LYRM4: variants seen among roughly 807,000 people sequenced by gnomAD.
LYRM4 encodes LYR motif-containing protein 4.
A neutral mutation model predicts 11.7 loss-of-function variants in LYRM4; 9 were observed. That is an observed-to-expected ratio of 0.77 (90% CI 0.46 to 1.34). The LOEUF (loss-of-function observed/expected upper bound fraction) is 1.34, where lower values mean the gene tolerates loss of function less well. LYRM4 is among the 40% of genes most tolerant of loss of function. The pLI, the probability that LYRM4 is intolerant of heterozygous loss-of-function variation, is 0.00. For missense variants in LYRM4, 133 were observed against 112.5 expected (o/e 1.18, Z -0.82); for synonymous variants, 42 against 40.4 (o/e 1.04, Z -0.15).
At chr6:5,249,532 G>C (rs771736205) in intron 1 of LYRM4, among the ~76,000 whole-genome samples, 3 of 152,130 alleles carry the variant, frequency 2.0e-5, no homozygotes, top group African/African-American at 4.8e-5. Flanking sequence ...TCTGAGTTAA[G>C]AGAACTATTA....
intron 2 of LYRM4, among the ~76,000 whole-genome samples, chr6:5,130,628 A>G (rs1258154130): frequency 6.6e-6 from 1 of 152,230 alleles, no homozygotes; most frequent in Admixed American, 6.5e-5. Flanking sequence ...ACTGCTGAGG[A>G]GAGGAAGACA....
intron 2 of LYRM4, among the ~76,000 whole-genome samples, chr6:5,150,876 A>G (rs1272678088): frequency 6.6e-6 from 1 of 152,136 alleles, no homozygotes; most frequent in African/African-American, 2.4e-5. Context: ...ATTTCTGATG[A>G]CACAGCCTTT....
chr6:5,236,439 T>G (rs1763547555), intron 1 of LYRM4: 1 of 150,724 alleles, frequency 6.6e-6, no homozygotes, highest in Non-Finnish European at 1.5e-5. Context: ...CACTCCAGCC[T>G]GGGCGACAGA....
the LYRM4 span, among the ~76,000 whole-genome samples, chr6:5,060,816 C>T: frequency 3.3e-5 from 5 of 152,226 alleles, no homozygotes; most frequent in Non-Finnish European, 7.3e-5. Flanking sequence ...GCGTGAGCCA[C>T]CGTGCCCAGC....
intron 2 of LYRM4, among the ~76,000 whole-genome samples, chr6:5,181,279 CCT>C (rs1463049282): frequency 2.0e-5 from 3 of 152,100 alleles, no homozygotes; most frequent in Non-Finnish European, 4.4e-5. Context: ...TCTCATTTGT[CCT>C]CTCCCTCTTT....
At chr6:5,116,374 C>A (rs1423310020) in intron 2 of LYRM4, among the ~76,000 whole-genome samples, 1 of 152,160 alleles carries the variant, frequency 6.6e-6, no homozygotes, top group Non-Finnish European at 1.5e-5. Context: ...ATACTCAGTT[C>A]ACACAGGGAG....
chr6:5,232,663 G>A (rs1025138223), intron 1 of LYRM4, among the ~76,000 whole-genome samples: 4 of 152,210 alleles, frequency 2.6e-5, no homozygotes, highest in Non-Finnish European at 5.9e-5. Context: ...GGTGAAATAA[G>A]GAGTTTACTC....
the LYRM4 span, among the ~76,000 whole-genome samples, chr6:5,090,988 C>CT: frequency 3.3e-5 from 5 of 151,414 alleles, no homozygotes; most frequent in Admixed American, 6.6e-5. The surrounding 1 kb of genome is among the most constrained non-coding windows in gnomAD (Gnocchi z 4.8). Flanking sequence ...AATGTGATTT[C>CT]TTTTTTTTTA....
the LYRM4 span, among the ~76,000 whole-genome samples, chr6:5,062,013 TC>T: frequency 6.6e-6 from 1 of 151,790 alleles, no homozygotes; most frequent in Admixed American, 6.6e-5. Flanking sequence ...GCCATTTTCT[TC>T]CTTCTATTCT....
the LYRM4 span, chr6:5,085,339 T>C: frequency 1.7e-6 from 1 of 598,876 alleles, no homozygotes; most frequent in Non-Finnish European, 2.8e-6. Flanking sequence ...AAAGTGGAAC[T>C]ACGTTGTCTT....
chr6:5,218,498 T>A, intron 1 of LYRM4: 1 of 454,848 alleles, frequency 2.2e-6, no homozygotes, highest in Non-Finnish European at 2.9e-6. Context: ...TATTTGCATT[T>A]AAAAGCAAGA....
rs190616828 is a variant in LYRM4, at chr6:5,131,946, G to A, written c.208-22455C>T. On this transcript the variant is annotated intron_variant, in intron 2 of 2. Transcript: ENST00000330636. ...CTTCATTATTTTATCCCTGACTTAC[G>A]CCTTTATCTTTAAGCAGTCGTGGAT... 2.1e-5 allele frequency among the ~76,000 whole-genome samples: 3 copies of A among 141,256 alleles called. No homozygotes were observed. The Admixed American group carries it at 2.2e-4, about 10-fold the overall frequency. The allele number at this position is 141,256 out of a possible 152,430, so 92.7% of individuals were successfully genotyped here.
chr6:5,066,630 G>A, the LYRM4 span: 1 of 1,200,924 alleles, frequency 8.3e-7, no homozygotes, highest in Non-Finnish European at 1.2e-6. Flanking sequence ...AACCACTTTG[G>A]CACCAATTTC....
intron 2 of LYRM4, among the ~76,000 whole-genome samples, chr6:5,166,359 T>C (rs1759087513): frequency 6.6e-6 from 1 of 152,248 alleles, no homozygotes; most frequent in South Asian, 2.1e-4. Context: ...AGCTGAGTGT[T>C]TGACAATCAT....
chr6:5,063,780 A>C, the LYRM4 span, among the ~76,000 whole-genome samples: 1 of 152,128 alleles, frequency 6.6e-6, no homozygotes, highest in East Asian at 1.9e-4. Flanking sequence ...GCCTGGTCCC[A>C]CCCAGCCCCT....
chr6:5,117,453 G>A (rs1216152934), intron 2 of LYRM4, among the ~76,000 whole-genome samples: 1 of 151,982 alleles, frequency 6.6e-6, no homozygotes, highest in Non-Finnish European at 1.5e-5. Flanking sequence ...TACTCGGGAG[G>A]CTGAGGCAGG....
At chr6:5,256,616 C>G (rs974235552) in intron 1 of LYRM4, among the ~76,000 whole-genome samples, 1 of 142,798 alleles carries the variant, frequency 7.0e-6, no homozygotes, top group Non-Finnish European at 1.5e-5. Context: ...TATAAAGAAA[C>G]TGCAGAACAG....
the LYRM4 span, among the ~76,000 whole-genome samples, chr6:5,068,760 G>A: frequency 6.6e-6 from 1 of 152,024 alleles, no homozygotes; most frequent in South Asian, 2.1e-4. The surrounding 1 kb of genome is among the most constrained non-coding windows in gnomAD (Gnocchi z 4.0). Flanking sequence ...TTGTGCACAT[G>A]TACCCTAGAA....
At chr6:5,152,778 T>C (rs1011521550) in intron 2 of LYRM4, among the ~76,000 whole-genome samples, 2 of 152,196 alleles carry the variant, frequency 1.3e-5, no homozygotes, top group African/African-American at 4.8e-5. Flanking sequence ...GCCTCCTCTG[T>C]TGTTGGCTGG....
Sources: allele counts gnomAD v4.1 joint callset (sites outside exome capture counted in the v4.1 genomes callset), GRCh38; gene constraint gnomAD v4.1.1; non-coding constraint Gnocchi (gnomAD v3.1); transcripts MANE v1.5; gene names NCBI Gene and HGNC (gene_info 2026-07-23, HGNC 2026-07-21).